AOAH: variants seen among roughly 807,000 people sequenced by gnomAD.
AOAH encodes the protein acyloxyacyl hydrolase, also known as acyloxyacyl hydrolase (neutrophil).
AOAH carries 64 observed loss-of-function variants against 92.2 expected under a neutral mutation model. The observed-to-expected ratio is 0.69, with a 90% CI of 0.57 to 0.86. The LOEUF is 0.86. Ranked by LOEUF, AOAH falls within the 40% of genes least tolerant of loss-of-function variation. The probability of loss-of-function intolerance (pLI) is 0.00; values close to 1 mark genes in which losing one functional copy is unlikely to be tolerated. For missense variants in AOAH, 656 were observed against 694.6 expected (o/e 0.94, Z 0.62); for synonymous variants, 263 against 254.5 (o/e 1.03, Z -0.32).
At chr7:36,675,512 A>T (rs984091734) in intron 2 of AOAH, among the ~76,000 whole-genome samples, 33 of 152,342 alleles carry the variant, frequency 2.2e-4, no homozygotes, top group African/African-American at 7.5e-4. Flanking sequence ...AACTTCCCAC[A>T]AAGGAAAGCC....
intron 15 of AOAH, among the ~76,000 whole-genome samples, chr7:36,541,742 G>A (rs1387715615): frequency 1.3e-5 from 2 of 152,116 alleles, no homozygotes; most frequent in South Asian, 2.1e-4. Context: ...AAAAGGCAAG[G>A]GGTGCTAAAG....
At chr7:36,703,693 C>T (rs1336688133) in intron 1 of AOAH, among the ~76,000 whole-genome samples, 1 of 152,066 alleles carries the variant, frequency 6.6e-6, no homozygotes, top group Admixed American at 6.6e-5. Context: ...GGGTTTCCAG[C>T]TTCATCCATG....
At chr7:36,718,548 C>A (rs754442950) in intron 1 of AOAH, among the ~76,000 whole-genome samples, 3 of 152,066 alleles carry the variant, frequency 2.0e-5, no homozygotes, top group Admixed American at 6.5e-5. Context: ...GAAGTGAAAA[C>A]AACTCAAATG....
intron 13 of AOAH, among the ~76,000 whole-genome samples, chr7:36,571,913 G>C (rs575495155): frequency 6.6e-6 from 1 of 152,222 alleles, no homozygotes; most frequent in Non-Finnish European, 1.5e-5. Flanking sequence ...CAAATATACA[G>C]ATAGATAGAA....
At chr7:36,515,795 C>CA in intron 20 of AOAH, among the ~76,000 whole-genome samples, 1 of 131,364 alleles carries the variant, frequency 7.6e-6, no homozygotes, top group Non-Finnish European at 1.6e-5. Flanking sequence ...CACACACACA[C>CA]CCCCACACAC....
At position 36,658,612 on chromosome 7, in the gene AOAH, C is replaced by T. The variant is rs562957115; in HGVS notation, c.390+554G>A. Among the ~76,000 whole-genome samples the T allele has an allele frequency of 2.0e-4, 30 of 152,308 alleles. 1 individual carries two copies. The highest frequency in any genetic ancestry group is 9.1e-4 in the Admixed American group (14 of 15,304). On this transcript the variant is annotated intron_variant, in intron 4 of 20. Coordinates refer to ENST00000617537, the MANE Select transcript of AOAH (RefSeq NM_001637.4). ...AATAATGATCATTTAGCAGTCATTT[C>T]TCTTAACACTTTAAAAACTGTATCA...
intron 13 of AOAH, among the ~76,000 whole-genome samples, chr7:36,562,731 T>C (rs959847561): frequency 2.6e-5 from 4 of 152,114 alleles, no homozygotes; most frequent in Non-Finnish European, 5.9e-5. Context: ...TCTAGTACTT[T>C]TTGGTTCCCT....
chr7:36,668,821 T>C (rs2116611159), intron 3 of AOAH, among the ~76,000 whole-genome samples: 1 of 152,342 alleles, frequency 6.6e-6, no homozygotes. Flanking sequence ...TATGAAGTAT[T>C]GTTGGTTTTT....
chr7:36,641,614 C>G (rs1029376158), intron 4 of AOAH, among the ~76,000 whole-genome samples: 1 of 152,162 alleles, frequency 6.6e-6, no homozygotes, highest in African/African-American at 2.4e-5. Context: ...CCTCCTGAAG[C>G]CTTCTCAGCT....
At chr7:36,712,559 G>A (rs1158453110) in intron 1 of AOAH, among the ~76,000 whole-genome samples, 7 of 152,098 alleles carry the variant, frequency 4.6e-5, no homozygotes, top group Non-Finnish European at 8.8e-5. Context: ...GCAGAAAGAG[G>A]CACAGCCTGT....
chr7:36,673,894 TC>T (rs1796081178), intron 3 of AOAH, 48 bp downstream of exon 3: 2 of 1,368,696 alleles, frequency 1.5e-6, no homozygotes, highest in Non-Finnish European at 2.1e-6. Flanking sequence ...TTCTTGTTCC[TC>T]CCATGTCCCA....
At chr7:36,573,821 A>T (rs913918976) in intron 13 of AOAH, among the ~76,000 whole-genome samples, 1 of 152,200 alleles carries the variant, frequency 6.6e-6, no homozygotes, top group African/African-American at 2.4e-5. Flanking sequence ...TGAAAATAGG[A>T]GCTGTTTCTT....
chr7:36,684,291 T>C (rs1056320798), intron 2 of AOAH, among the ~76,000 whole-genome samples: 3 of 152,110 alleles, frequency 2.0e-5, no homozygotes, highest in African/African-American at 4.8e-5. Flanking sequence ...AGGATAATAA[T>C]TGCACTTGAC....
intron 2 of AOAH, among the ~76,000 whole-genome samples, chr7:36,684,735 A>C (rs1423583710): frequency 6.6e-6 from 1 of 151,672 alleles, no homozygotes; most frequent in Non-Finnish European, 1.5e-5. Flanking sequence ...CCTTGGCAAC[A>C]CAGAGAGACC....
intron 14 of AOAH, among the ~76,000 whole-genome samples, 160 bp from the exon 15 acceptor site, chr7:36,548,846 C>T (rs559644751): frequency 1.1e-3 from 162 of 152,312 alleles, no homozygotes; most frequent in Non-Finnish European, 1.7e-3. Context: ...CCACCATTCC[C>T]ATCTCCCATT....
chr7:36,697,973 G>T (rs534792718), intron 1 of AOAH, among the ~76,000 whole-genome samples: 10 of 152,262 alleles, frequency 6.6e-5, no homozygotes, highest in African/African-American at 2.4e-4. Flanking sequence ...AGGAGAAAGA[G>T]GTGGACACCT....
intron 3 of AOAH, among the ~76,000 whole-genome samples, chr7:36,660,436 C>T (rs1373306534): frequency 1.3e-5 from 2 of 152,200 alleles, no homozygotes; most frequent in African/African-American, 4.8e-5. Flanking sequence ...CTGCCTCAGC[C>T]TCCCCAGCAG....
chr7:36,588,444 A>C (rs1304994362), intron 12 of AOAH, among the ~76,000 whole-genome samples: 1 of 152,258 alleles, frequency 6.6e-6, no homozygotes, highest in Non-Finnish European at 1.5e-5. Flanking sequence ...ACTTCAGAGG[A>C]CCACCTCTCT....
At chr7:36,616,804 A>G (rs1018888321) in intron 10 of AOAH, among the ~76,000 whole-genome samples, 1 of 152,172 alleles carries the variant, frequency 6.6e-6, no homozygotes, top group Non-Finnish European at 1.5e-5. Flanking sequence ...TTGGTTCTGG[A>G]AATTGCTTTC....
Sources: gnomAD v4.1 joint callset for allele counts (sites outside exome capture counted in the v4.1 genomes callset) on GRCh38, gnomAD v4.1.1 for gene constraint, MANE v1.5 for transcripts, NCBI Gene and HGNC (gene_info 2026-07-23, HGNC 2026-07-21) for gene names.